The following ZNRF1 variants were observed in gnomAD, a reference collection of about 807,000 sequenced individuals.
ZNRF1 encodes the protein zinc and ring finger 1, also known as E3 ubiquitin-protein ligase ZNRF1.
A neutral mutation model predicts 18.4 loss-of-function variants in ZNRF1; 3 were observed. The ratio of observed to expected loss-of-function variants is 0.16; its 90% CI spans 0.07 to 0.42. The LOEUF is 0.42. Ranked by LOEUF, ZNRF1 falls within the 10% of genes least tolerant of loss-of-function variation. The probability of loss-of-function intolerance (pLI) is 0.99; values close to 1 mark genes in which losing one functional copy is unlikely to be tolerated. For missense variants in ZNRF1, 310 were observed against 329.8 expected (o/e 0.94, Z 0.47); for synonymous variants, 157 against 144.2 (o/e 1.09, Z -0.64).
At chr16:75,000,357 C>A (rs752194743) in intron 1 of ZNRF1, 1 of 654,260 alleles carries the variant, frequency 1.5e-6, no homozygotes, top group Non-Finnish European at 2.8e-6. Flanking sequence ...ATTGGAGTTC[C>A]ATTTATTGGC....
At chr16:75,010,489 G>C (rs1227095247) in intron 1 of ZNRF1, among the ~76,000 whole-genome samples, 1 of 152,100 alleles carries the variant, frequency 6.6e-6, no homozygotes, top group East Asian at 1.9e-4. Flanking sequence ...TACTTTGGCT[G>C]TTGGTAGTGC....
intron 1 of ZNRF1, among the ~76,000 whole-genome samples, chr16:75,066,933 TCA>T (rs59317864): frequency 0.011 from 1,728 of 152,302 alleles, 88 homozygotes; most frequent in Admixed American, 0.078. Flanking sequence ...TCATTATCTC[TCA>T]CAGTTTTTGT....
chr16:75,081,225 A>T (rs141956099), intron 1 of ZNRF1, among the ~76,000 whole-genome samples: 1 of 152,200 alleles, frequency 6.6e-6, no homozygotes, highest in South Asian at 2.1e-4. Flanking sequence ...GTCTATATCC[A>T]GGGAAGAAGC....
intron 2 of ZNRF1, among the ~76,000 whole-genome samples, chr16:75,103,708 C>T (rs946205408): frequency 1.3e-5 from 2 of 152,164 alleles, no homozygotes; most frequent in African/African-American, 4.8e-5. Flanking sequence ...AAAAACGGGT[C>T]AGGCGTGGTG....
intron 1 of ZNRF1, among the ~76,000 whole-genome samples, chr16:75,043,698 A>C (rs901630109): frequency 1.3e-5 from 2 of 152,014 alleles, no homozygotes; most frequent in African/African-American, 4.8e-5. Flanking sequence ...TATATATAGC[A>C]TGTAAGAGAC....
At chr16:75,043,086 G>A (rs1353085363) in intron 1 of ZNRF1, among the ~76,000 whole-genome samples, 1 of 152,196 alleles carries the variant, frequency 6.6e-6, no homozygotes, top group Non-Finnish European at 1.5e-5. Context: ...GTGGGAGACT[G>A]TCTACAATAA....
chr16:75,070,986 A>T (rs1158584431), intron 1 of ZNRF1, among the ~76,000 whole-genome samples: 2 of 152,126 alleles, frequency 1.3e-5, no homozygotes, highest in African/African-American at 4.8e-5. Context: ...ACTATTTATT[A>T]TGCCCATGGA....
At chr16:75,096,321 T>A (rs1206592508) in intron 2 of ZNRF1, among the ~76,000 whole-genome samples, 1 of 152,066 alleles carries the variant, frequency 6.6e-6, no homozygotes, top group Non-Finnish European at 1.5e-5. Context: ...CCCTAAACCT[T>A]CCAGGTAAGA....
intron 1 of ZNRF1, among the ~76,000 whole-genome samples, chr16:75,081,906 A>T (rs1167000354): frequency 6.6e-6 from 1 of 152,198 alleles, no homozygotes; most frequent in African/African-American, 2.4e-5. Context: ...ACACTTTCTG[A>T]GTCATAATTA....
chr16:75,040,519 A>G (rs1376059942), intron 1 of ZNRF1, among the ~76,000 whole-genome samples: 1 of 150,824 alleles, frequency 6.6e-6, no homozygotes, highest in African/African-American at 2.4e-5. Context: ...GGAATTTCAT[A>G]TAAATGAAAT....
At chr16:75,086,039 A>G (rs546291587) in intron 1 of ZNRF1, among the ~76,000 whole-genome samples, 3 of 152,100 alleles carry the variant, frequency 2.0e-5, no homozygotes, top group Admixed American at 2.0e-4. Context: ...TCCCAGCTCA[A>G]GCAGTTAGGC....
chr16:75,070,269 C>A (rs1327701925), intron 1 of ZNRF1, among the ~76,000 whole-genome samples: 1 of 152,164 alleles, frequency 6.6e-6, no homozygotes, highest in East Asian at 1.9e-4. Flanking sequence ...CCCAGGCCGG[C>A]CTCTCCATTC....
At chr16:75,104,681 T>G (rs2036292868) in intron 2 of ZNRF1, 103 bp from the exon 3 acceptor site, 5 of 969,634 alleles carry the variant, frequency 5.2e-6, no homozygotes, top group Non-Finnish European at 7.8e-6. Flanking sequence ...GGGCACAGCT[T>G]GGGGCAGCTA....
Position 75,095,748 on chromosome 16 carries a change from A to G in ZNRF1, c.520+2081A>G, listed in dbSNP as rs1344811032. The G allele has an allele frequency of 7.9e-6, 12 of 1,523,016 alleles. No homozygotes were observed. The African/African-American group carries it at 1.4e-4, about 18-fold the overall frequency. 94.3% of individuals were successfully genotyped at this position (1,523,016 alleles called of 1,614,324 possible). A position where few individuals can be genotyped will look rare whatever the true frequency, so the allele number is the denominator to read the frequency against. On this transcript the variant is annotated intron_variant, in intron 2 of 4. Coordinates refer to ENST00000335325, the MANE Select transcript of ZNRF1 (RefSeq NM_032268.5). Reference sequence around the variant, plus strand: ...CCCCACTGCCCTGTGGAGAACCGGGAAGGTGAGGCTGTCCAGCTCCTCTGC... The same window carrying G: ...CCCCACTGCCCTGTGGAGAACCGGGGAGGTGAGGCTGTCCAGCTCCTCTGC...
chr16:75,024,893 T>C (rs1234774684), intron 1 of ZNRF1, among the ~76,000 whole-genome samples: 2 of 152,230 alleles, frequency 1.3e-5, no homozygotes, highest in Non-Finnish European at 2.9e-5. Context: ...GTTTCCCCCA[T>C]GATCCCTCTG....
intron 1 of ZNRF1, among the ~76,000 whole-genome samples, chr16:75,020,733 A>G (rs145137853): frequency 2.9e-3 from 447 of 152,048 alleles, no homozygotes; most frequent in African/African-American, 0.01. Flanking sequence ...TAGTGGAGAC[A>G]AGGTTTCACC....
At chr16:75,054,613 T>C (rs1446139790) in intron 1 of ZNRF1, among the ~76,000 whole-genome samples, 2 of 152,242 alleles carry the variant, frequency 1.3e-5, no homozygotes, top group African/African-American at 4.8e-5. Context: ...TAAGGAACCA[T>C]TGCTTTTTAG....
chr16:75,015,638 T>C (rs999683392), intron 1 of ZNRF1, among the ~76,000 whole-genome samples: 3 of 151,980 alleles, frequency 2.0e-5, no homozygotes, highest in African/African-American at 7.3e-5. Context: ...GGCTGGACTG[T>C]AGTGGCGCCA....
intron 1 of ZNRF1, among the ~76,000 whole-genome samples, chr16:75,006,113 G>A (rs1259599796): frequency 6.6e-6 from 1 of 152,142 alleles, no homozygotes; most frequent in African/African-American, 2.4e-5. Flanking sequence ...GTTGCTTGTT[G>A]ACCCATGCAT....
Sources: allele counts gnomAD v4.1 joint callset (sites outside exome capture counted in the v4.1 genomes callset), GRCh38; gene constraint gnomAD v4.1.1; transcripts MANE v1.5; gene names NCBI Gene and HGNC (gene_info 2026-07-23, HGNC 2026-07-21).